Variants in TRHR observed in about 807,000 individuals in gnomAD.
TRHR encodes thyrotropin releasing hormone receptor.
A neutral mutation model predicts 28.0 loss-of-function variants in TRHR; 14 were observed. The ratio of observed to expected loss-of-function variants is 0.50; its 90% confidence interval spans 0.33 to 0.78. The LOEUF is 0.78. Ranked by LOEUF, TRHR falls within the 30% of genes least tolerant of loss-of-function variation. The pLI is 0.02. For synonymous variants in TRHR, 176 were observed against 171.9 expected (o/e 1.02, Z -0.18); for missense variants, 438 against 469.5 (o/e 0.93, Z 0.62).
Position 109,087,562 on chromosome 8 carries a change from G to C in TRHR, c.50G>C (p.Arg17Pro). The change falls in exon 2 of 3, where the codon CGA becomes CCA. Residue 17 changes from arginine (R) to proline (P), a missense_variant. Arg to Pro is a moderately radical substitution (Grantham distance 103). Transcript: ENST00000518632. ...CTGAACCAAACACAGCTTCAGCCAC[G>C]AGCAGTGGTGGCCTTAGAATACCAG... is the stretch of plus-strand genomic sequence containing the variant. ...SELNQTQLQP[R>P]AVVALEYQVV... The C allele has an allele frequency of 6.2e-7, 1 of 1,614,178 alleles. No homozygotes were observed. The highest frequency in any genetic ancestry group is 8.5e-7 in the Non-Finnish European group (1 of 1,180,032).
chr8:109,108,610 C>T (rs1811785906), intron 2 of TRHR, among the ~76,000 whole-genome samples: 1 of 152,118 alleles, frequency 6.6e-6, no homozygotes, highest in Non-Finnish European at 1.5e-5. Context: ...TTAGGGCAGA[C>T]TTTTCCACAG....
At chr8:109,098,752 C>T (rs182923791) in intron 2 of TRHR, among the ~76,000 whole-genome samples, 11 of 152,224 alleles carry the variant, frequency 7.2e-5, no homozygotes, top group Non-Finnish European at 1.6e-4. Context: ...CTCGGTAGCC[C>T]GTTATTTGAC....
In TRHR at chr8:109,113,666, G is replaced by T. The variant is rs192745944; in HGVS notation, c.790-5382G>T. 2.6e-5 allele frequency among the ~76,000 whole-genome samples: 4 copies of T among 152,140 alleles called. No homozygotes were observed. The East Asian group carries it at 7.7e-4, about 29-fold the overall frequency. ...ACTAATCTACCATACTAATGCAAGG[G>T]GTGAATAATAGAAGGACTTTGGTGT... On this transcript the variant is annotated intron_variant, in intron 2 of 2. Transcript: ENST00000518632.
chr8:109,118,924 A>T, intron 2 of TRHR, 124 bp from the exon 3 acceptor site: 2 of 1,183,520 alleles, frequency 1.7e-6, no homozygotes, highest in Non-Finnish European at 2.5e-6. Context: ...CCAATAAATG[A>T]CCTGCACCTA....
intron 2 of TRHR, among the ~76,000 whole-genome samples, chr8:109,115,102 C>A (rs138131898): frequency 6.6e-6 from 1 of 152,012 alleles, no homozygotes; most frequent in African/African-American, 2.4e-5. Flanking sequence ...ACACCCTATA[C>A]GCTACTCTGA....
At chr8:109,116,353 A>G (rs1369441460) in intron 2 of TRHR, among the ~76,000 whole-genome samples, 1 of 151,956 alleles carries the variant, frequency 6.6e-6, no homozygotes. Flanking sequence ...TTTTCTATTG[A>G]TTGGAATAGT....
chr8:109,119,555 C>T lies in TRHR; in HGVS notation c.*100C>T. 1 of 1,414,816 alleles carries T rather than the reference C, an allele frequency of 7.1e-7. No homozygotes were observed. Among genetic ancestry groups the T allele is most frequent in the Non-Finnish European group, 9.7e-7 (1 of 1,027,386 alleles). The allele number at this position is 1,414,816 out of a possible 1,614,324, so 87.6% of individuals were successfully genotyped here. A position where few individuals can be genotyped will look rare whatever the true frequency, so the allele number is the denominator to read the frequency against. ...CCAATAGTCATATGTGAAGACAGAG[C>T]AGATCAGTCTTTGTCAATGCTCTAA... On this transcript the variant is annotated 3_prime_UTR_variant, in exon 3 of 3. Coordinates refer to ENST00000518632, the MANE Select transcript of TRHR (RefSeq NM_003301.7).
At chr8:109,099,948 G>A (rs1811651125) in intron 2 of TRHR, among the ~76,000 whole-genome samples, 3 of 152,156 alleles carry the variant, frequency 2.0e-5, no homozygotes, top group African/African-American at 7.2e-5. Flanking sequence ...AGAAAATAAG[G>A]AAGTGGCTCA....
At chr8:109,112,890 T>C (rs1196363416) in intron 2 of TRHR, among the ~76,000 whole-genome samples, 1 of 152,156 alleles carries the variant, frequency 6.6e-6, no homozygotes, top group Non-Finnish European at 1.5e-5. Flanking sequence ...GAAATGGTAA[T>C]GATAACACTT....
chr8:109,115,956 C>T (rs370282606), intron 2 of TRHR, among the ~76,000 whole-genome samples: 29 of 151,764 alleles, frequency 1.9e-4, no homozygotes, highest in Non-Finnish European at 3.0e-4. Context: ...TCATAAATAG[C>T]TCTTATTGAG....
chr8:109,095,747 T>G (rs1022008213), intron 2 of TRHR, among the ~76,000 whole-genome samples: 3 of 152,138 alleles, frequency 2.0e-5, no homozygotes, highest in Non-Finnish European at 4.4e-5. Flanking sequence ...CTTATAAACT[T>G]CTACCTCTTT....
intron 2 of TRHR, among the ~76,000 whole-genome samples, chr8:109,117,136 G>T (rs546132557): frequency 1.3e-5 from 2 of 152,022 alleles, no homozygotes; most frequent in African/African-American, 4.8e-5. Flanking sequence ...AGTGTTGTTG[G>T]GTTTATAATT....
intron 2 of TRHR, among the ~76,000 whole-genome samples, chr8:109,091,974 T>G (rs3134108): frequency 0.6 from 91,822 of 152,026 alleles, 27,895 homozygotes; most frequent in South Asian, 0.73. Context: ...CAACATTATG[T>G]AGATACAATA....
chr8:109,119,480 G>C lies in TRHR; in HGVS notation c.*25G>C. 6.2e-7 allele frequency: 1 copy of C among 1,609,276 alleles called. No individual in the cohort carries two copies. Among genetic ancestry groups the C allele is most frequent in the Non-Finnish European group, 8.5e-7 (1 of 1,178,518 alleles). On this transcript the variant is annotated 3_prime_UTR_variant, in exon 3 of 3. Transcript: ENST00000518632. The stretch of plus-strand genomic sequence containing the variant: ...ATTCATGAATTAGAAGAAAATGGAT[G>C]ACAAAGAAAATGAGAATCTGTGCAG...
In TRHR at chr8:109,087,735, T is replaced by C. The variant is rs1811458152; in HGVS notation, c.223T>C (p.Leu75=). The C allele has an allele frequency of 1.2e-6, 2 of 1,614,174 alleles. No individual in the cohort carries two copies. The highest frequency in any genetic ancestry group is 1.7e-6 in the Non-Finnish European group (2 of 1,180,040). The change falls in exon 2 of 3, where the codon TTG becomes CTG. Residue 75 remains leucine (L), a synonymous_variant. Coordinates refer to ENST00000518632, the MANE Select transcript of TRHR (RefSeq NM_003301.7). ...CCTGGCAGTAGCTGATCTCATGGTC[T>C]TGGTGGCCGCAGGCCTCCCCAACAT... ...VSLAVADLMV[L]VAAGLPNITD... is the part of the protein sequence containing the mutation.
In TRHR at chr8:109,119,458, C is replaced by T. The variant is rs578057541; in HGVS notation, c.*3C>T. The T allele has an allele frequency of 9.9e-6, 16 of 1,611,342 alleles. No homozygotes were observed. The East Asian group carries it at 1.3e-4, about 13-fold the overall frequency. On this transcript the variant is annotated 3_prime_UTR_variant, in exon 3 of 3. Coordinates refer to ENST00000518632, the MANE Select transcript of TRHR (RefSeq NM_003301.7). The stretch of plus-strand genomic sequence containing the variant: ...AGGTATCCTTTAGCCAAAGTTGATT[C>T]ATGAATTAGAAGAAAATGGATGACA...
rs1811975795 is a variant in TRHR, at chr8:109,119,584, A to C, written c.*129A>C. On this transcript the variant is annotated 3_prime_UTR_variant, in exon 3 of 3. Coordinates refer to ENST00000518632, the MANE Select transcript of TRHR (RefSeq NM_003301.7). ...TCAGTCTTTGTCAATGCTCTAACAA[A>C]TTCTGGCCCTAGATACTTTAACCCA... is the stretch of plus-strand genomic sequence containing the variant. 11 of 1,127,322 alleles carry C rather than the reference A, an allele frequency of 9.8e-6. No homozygotes were observed. The highest frequency in any genetic ancestry group is 1.3e-5 in the Non-Finnish European group (10 of 788,446). 69.8% of individuals were successfully genotyped at this position (1,127,322 alleles called of 1,614,324 possible).
chr8:109,087,435 C>A lies in TRHR; in HGVS notation c.-78C>A. On this transcript the variant is annotated 5_prime_UTR_variant, in exon 2 of 3. It adds an upstream start codon to the 5' untranslated region. Coordinates refer to ENST00000518632, the MANE Select transcript of TRHR (RefSeq NM_003301.7). The stretch of plus-strand genomic sequence containing the variant: ...TATGACCCTTCACAGGGGGATGGAA[C>A]TGCTGCAATAAAGGTGGGCGCTGGA... 6.7e-7 allele frequency: 1 copy of A among 1,495,948 alleles called. No homozygotes were observed. Among genetic ancestry groups the A allele is most frequent in the Non-Finnish European group, 9.2e-7 (1 of 1,082,182 alleles). The allele number at this position is 1,495,948 out of a possible 1,614,324, so 92.7% of individuals were successfully genotyped here.
intron 2 of TRHR, among the ~76,000 whole-genome samples, chr8:109,118,842 C>T (rs987235183): frequency 2.0e-5 from 3 of 151,848 alleles, no homozygotes; most frequent in Admixed American, 1.3e-4. Context: ...TTTGGCTTTT[C>T]CTACTTTGGC....
Sources: allele counts gnomAD v4.1 joint callset (sites outside exome capture counted in the v4.1 genomes callset), GRCh38; gene constraint gnomAD v4.1.1; transcripts MANE v1.5; gene names NCBI Gene and HGNC (gene_info 2026-07-23, HGNC 2026-07-21).